Variants in GTPBP1 observed in about 807,000 individuals in gnomAD.
The protein encoded by GTPBP1 is GTP-binding protein 1.
A neutral mutation model predicts 62.0 loss-of-function variants in GTPBP1; 23 were observed. That is an observed-to-expected ratio of 0.37 (90% CI 0.27 to 0.53). The LOEUF is 0.53. GTPBP1 is among the 20% of genes least tolerant of loss of function. The pLI is 0.89. For synonymous variants in GTPBP1, 344 were observed against 364.4 expected (o/e 0.94, Z 0.64); for missense variants, 640 against 917.3 (o/e 0.70, Z 3.90).
downstream of GTPBP1, chr22:38,736,254 C>G (rs2145913853): frequency 6.2e-7 from 1 of 1,607,550 alleles, no homozygotes; most frequent in East Asian, 2.2e-5. Flanking sequence ...GCAGCAGGCA[C>G]CAGTAAGCAG....
rs1483140012 is a variant in GTPBP1 at position 38,706,056 on chromosome 22, C to T, written c.101C>T (p.Ala34Val). Reference protein sequence around the residue: ...SSPGAARAAAAAARLHGGFDS... With the variant: ...SSPGAARAAAVAARLHGGFDS... ...CCGGGGGCGGCCAGGGCCGCGGCGG[C>T]CGCCGCCCGACTCCACGGCGGCTTT... The change falls in exon 1 of 12, where the codon GCC (alanine) becomes GTC (valine). Residue 34 changes from alanine (A) to valine (V), a missense_variant. Coordinates refer to ENST00000216044, the MANE Select transcript of GTPBP1 (RefSeq NM_004286.5). 2.2e-6 allele frequency: 3 copies of T among 1,368,754 alleles called. No individual in the cohort carries two copies. Among genetic ancestry groups the T allele is most frequent in the African/African-American group, 1.5e-5 (1 of 65,340 alleles). 84.8% of individuals were successfully genotyped at this position (1,368,754 alleles called of 1,614,324 possible).
rs908385421 is a variant in GTPBP1 at position 38,727,863 on chromosome 22, A to G, written c.1538-120A>G. On this transcript the variant is annotated intron_variant, in intron 9 of 11. Transcript: ENST00000216044. This position sits in a 1 kb window ranked among gnomAD's most constrained non-coding sequence, Gnocchi z 6.5. Reference sequence around the variant, plus strand: ...AGGCTTCACGGGGGTCTGTAGCCCCAGAGATAAGCCCCCACCCTTCCACAG... The same window carrying G: ...AGGCTTCACGGGGGTCTGTAGCCCCGGAGATAAGCCCCCACCCTTCCACAG... 4 of 676,274 alleles carry G rather than the reference A, an allele frequency of 5.9e-6. No individual in the cohort carries two copies. The highest frequency in any genetic ancestry group is 1.0e-5 in the Non-Finnish European group (4 of 384,242). 41.9% of individuals were successfully genotyped at this position (676,274 alleles called of 1,614,324 possible). A position where few individuals can be genotyped will look rare whatever the true frequency, so the allele number is the denominator to read the frequency against.
intron 2 of GTPBP1, among the ~76,000 whole-genome samples, chr22:38,715,332 C>A (rs1397106806): frequency 6.6e-6 from 1 of 152,136 alleles, no homozygotes; most frequent in African/African-American, 2.4e-5. Flanking sequence ...CTCCATGTCA[C>A]CCATGCTGCT....
In GTPBP1 at chr22:38,709,224, G is replaced by A. The variant is rs141516102; in HGVS notation, c.304+268G>A. On this transcript the variant is annotated intron_variant, in intron 2 of 11. Transcript: ENST00000216044. ...GAAGAATTGCTTGAACCTGGGAGGC[G>A]GAGGTTGCAGTGAGCCAAGATCGTG... 3.6e-3 allele frequency among the ~76,000 whole-genome samples: 552 copies of A among 152,192 alleles called. 4 individuals are homozygous for A. The highest frequency in any genetic ancestry group is 0.013 in the African/African-American group (522 of 41,504).
In GTPBP1 at chr22:38,731,011, TGTGTGTGTGTGTG is replaced by T. The variant is rs1423673687; in HGVS notation, c.*308_*320del. 4.3e-3 allele frequency: 259 copies of T among 60,388 alleles called. No individual in the cohort carries two copies. The highest frequency in any genetic ancestry group is 0.013 in the East Asian group (46 of 3,438). 3.7% of individuals were successfully genotyped at this position (60,388 alleles called of 1,614,324 possible). The stretch of plus-strand genomic sequence containing the variant: ...ATTATATGTCTCTGTCTCTCTCTAT[TGTGTGTGTGTGTG>T]TGTGTGTGTGTGTGTGTGTGTGTGT... On this transcript the variant is annotated 3_prime_UTR_variant, in exon 12 of 12. Coordinates refer to ENST00000216044, the MANE Select transcript of GTPBP1 (RefSeq NM_004286.5).
chr22:38,734,791 T>C (rs2092786734), downstream of GTPBP1: 1 of 179,206 alleles, frequency 5.6e-6, no homozygotes, highest in African/African-American at 2.4e-5. Flanking sequence ...GATAAAAAAC[T>C]TAAGAACCAA....
Position 38,730,693 on chromosome 22 carries a change from A to G in GTPBP1, c.1999A>G (p.Ser667Gly). Residue 667 changes from serine to glycine, a missense_variant, in exon 12 of 12, where the codon AGC (serine) becomes GGC (glycine). Physicochemically the swap from Ser to Gly is moderately conservative, Grantham distance 56. Coordinates refer to ENST00000216044, the MANE Select transcript of GTPBP1 (RefSeq NM_004286.5). The surrounding 1 kb of genome is among the most constrained non-coding windows in gnomAD (Gnocchi z 5.6). ...KSQGACVTPA[S>G]GC ...CCAGGGGGCCTGTGTGACTCCTGCC[A>G]GCGGCTGCTGAACCTTCCCCTGGCC... The G allele has an allele frequency of 6.3e-7, 1 of 1,590,602 alleles. No homozygotes were observed. The highest frequency in any genetic ancestry group is 8.5e-7 in the Non-Finnish European group (1 of 1,169,684).
At position 38,706,147 on chromosome 22, in the gene GTPBP1, G is replaced by A. The variant is rs926159951; in HGVS notation, c.192G>A (p.Lys64=). 6.4e-6 allele frequency: 8 copies of A among 1,241,948 alleles called. No homozygotes were observed. The highest frequency in any genetic ancestry group is 1.6e-5 in the African/African-American group (1 of 64,256). 76.9% of individuals were successfully genotyped at this position (1,241,948 alleles called of 1,614,324 possible). ...AGCCAGAGCTGGACCTCACCAGCAA[G>A]GTAGGCCCGGGCGGCGGCGGCGGGC... is the stretch of plus-strand genomic sequence containing the variant. The part of the protein sequence containing the change: ...NGEPELDLTS[K]LVLVSPTSEQ... The change falls in exon 1 of 12, where the codon AAG becomes AAA. Residue 64 remains lysine, a splice_region_variant and synonymous_variant. Transcript: ENST00000216044.
At position 38,716,089 on chromosome 22, in the gene GTPBP1, TGAG is replaced by T; in HGVS notation, c.485+7_485+9del. The T allele has an allele frequency of 6.3e-7, 1 of 1,582,094 alleles. No individual in the cohort carries two copies. The highest frequency in any genetic ancestry group is 8.6e-7 in the Non-Finnish European group (1 of 1,163,836). ...AGACAATGACTTCCTGGAGGTCAGG[TGAG>T]GAGGCCGCGGGACATTTTGGGGTCC... On this transcript the variant is annotated splice_donor_5th_base_variant and intron_variant, in intron 3 of 11. Transcript: ENST00000216044. This position sits in a 1 kb window ranked among gnomAD's most constrained non-coding sequence, Gnocchi z 5.2.
chr22:38,719,439 C>G (rs965022627), intron 4 of GTPBP1, among the ~76,000 whole-genome samples: 19 of 152,120 alleles, frequency 1.2e-4, no homozygotes, highest in Admixed American at 2.0e-4. Flanking sequence ...TCCCAAGTAC[C>G]TAGGACCACA....
At chr22:38,739,675 G>A, downstream of GTPBP1, 2 of 1,587,122 alleles carry the variant, frequency 1.3e-6, no homozygotes, top group Non-Finnish European at 1.7e-6. The surrounding 1 kb of genome is among the most constrained non-coding windows in gnomAD (Gnocchi z 6.7). Context: ...GGCTCCCAGG[G>A]AGGAGAGCTG....
At chr22:38,724,582 A>G (rs1039040237) in intron 6 of GTPBP1, among the ~76,000 whole-genome samples, 171 bp downstream of exon 6, 2 of 152,166 alleles carry the variant, frequency 1.3e-5, no homozygotes, top group African/African-American at 4.8e-5. Context: ...ATCTTAGCGC[A>G]GGGTCTCCCA....
Position 38,727,435 on chromosome 22 carries a change from C to T in GTPBP1, c.1537+87C>T. 4 of 1,304,084 alleles carry T rather than the reference C, an allele frequency of 3.1e-6. No individual in the cohort carries two copies. Among genetic ancestry groups the T allele is most frequent in the Non-Finnish European group, 4.2e-6 (4 of 962,306 alleles). 80.8% of individuals were successfully genotyped at this position (1,304,084 alleles called of 1,614,324 possible). A position where few individuals can be genotyped will look rare whatever the true frequency, so the allele number is the denominator to read the frequency against. On this transcript the variant is annotated intron_variant, in intron 9 of 11. Transcript: ENST00000216044. The surrounding 1 kb of genome is among the most constrained non-coding windows in gnomAD (Gnocchi z 6.5). ...TCCAGCAACCCAGGCCCCCTAGTTCCAGCTGCAGCTGGGTGGTAGGCCTCC... is the reference window on the plus strand; with the variant it reads ...TCCAGCAACCCAGGCCCCCTAGTTCTAGCTGCAGCTGGGTGGTAGGCCTCC...
intron 4 of GTPBP1, among the ~76,000 whole-genome samples, chr22:38,719,680 CCAGA>C (rs1276260042): frequency 2.6e-5 from 4 of 151,254 alleles, no homozygotes; most frequent in Non-Finnish European, 5.9e-5. Flanking sequence ...TGTCTTCATC[CCAGA>C]CAAAGTCACA....
rs1162560423 is a variant in GTPBP1 at position 38,730,611 on chromosome 22, G to T, written c.1918-1G>T. 6.3e-7 allele frequency: 1 copy of T among 1,599,658 alleles called. No individual in the cohort carries two copies. On this transcript the variant is annotated splice_acceptor_variant, in intron 11 of 11. Transcript: ENST00000216044. LOFTEE classifies it high-confidence loss of function. This position sits in a 1 kb window ranked among gnomAD's most constrained non-coding sequence, Gnocchi z 5.6. ...TCTCAAGCTCCTTCTCTCTCTTTCA[G>T]CCTAAGCCCAGCAGTGGAGGCCGGC...
chr22:38,716,013 G>T lies in GTPBP1; in HGVS notation c.411G>T (p.Arg137=), dbSNP rs757500473. The change falls in exon 3 of 12, where the codon CGG becomes CGT. Residue 137 remains arginine (R), a synonymous_variant. Coordinates refer to ENST00000216044, the MANE Select transcript of GTPBP1 (RefSeq NM_004286.5). This position sits in a 1 kb window ranked among gnomAD's most constrained non-coding sequence, Gnocchi z 5.2. The stretch of plus-strand genomic sequence containing the variant: ...CCGATGTCATCCTTCTGCGGGAACG[G>T]CAAGAAGCTGGGGGCCGCGTGCGTG... The part of the protein sequence containing the change: ...IEADVILLRE[R]QEAGGRVRDY... 1 of 1,614,094 alleles carries T rather than the reference G, an allele frequency of 6.2e-7. No individual in the cohort carries two copies. Among genetic ancestry groups the T allele is most frequent in the Admixed American group, 1.7e-5 (1 of 60,018 alleles).
Position 38,731,050 on chromosome 22 carries a change from G to GTGTGTGTC in GTPBP1, c.*346_*347insTGTGTGTC, listed in dbSNP as rs3042714. ...TGTGTGTGTGTGTGTGTGTGTGTGT[G>GTGTGTGTC]GTGCAGGAGTGCCACCCCCAGGGCC... On this transcript the variant is annotated 3_prime_UTR_variant, in exon 12 of 12. Transcript: ENST00000216044. 1 of 206,424 alleles carries GTGTGTGTC rather than the reference G, an allele frequency of 4.8e-6. No homozygotes were observed. The highest frequency in any genetic ancestry group is 9.7e-6 in the Non-Finnish European group (1 of 103,386). The allele number at this position is 206,424 out of a possible 1,614,324, so 12.8% of individuals were successfully genotyped here.
downstream of GTPBP1, chr22:38,737,829 T>G: frequency 6.0e-6 from 3 of 496,782 alleles, no homozygotes; most frequent in Non-Finnish European, 8.0e-6. The surrounding 1 kb of genome is among the most constrained non-coding windows in gnomAD (Gnocchi z 4.1). Flanking sequence ...CAGCTGGCCA[T>G]GGTAGAATGC....
chr22:38,740,908 T>C, downstream of GTPBP1: 1 of 1,310,390 alleles, frequency 7.6e-7, no homozygotes, highest in Non-Finnish European at 1.1e-6. The surrounding 1 kb of genome is among the most constrained non-coding windows in gnomAD (Gnocchi z 4.8). Context: ...GGCAAGATGA[T>C]CAGAACTCTC....
Sources: allele counts gnomAD v4.1 joint callset (sites outside exome capture counted in the v4.1 genomes callset), GRCh38; gene constraint gnomAD v4.1.1; non-coding constraint Gnocchi (gnomAD v3.1); transcripts MANE v1.5; gene names NCBI Gene and HGNC (gene_info 2026-07-23, HGNC 2026-07-21).